NKAIN2: variants seen among roughly 807,000 people sequenced by gnomAD.
NKAIN2 encodes the protein sodium/potassium-transporting ATPase subunit beta-1-interacting protein 2.
Under a neutral mutation model 32.6 loss-of-function variants are expected in NKAIN2, and 14 were observed. The observed-to-expected ratio is 0.43, with a 90% CI of 0.28 to 0.67. The LOEUF (loss-of-function observed/expected upper bound fraction) is 0.67, where lower values mean the gene tolerates loss of function less well. NKAIN2 is among the 30% of genes least tolerant of loss of function. The pLI, the probability that NKAIN2 is intolerant of heterozygous loss-of-function variation, is 0.17. For missense variants in NKAIN2, 198 were observed against 258.3 expected, an observed-to-expected ratio of 0.77 and a Z score of 1.60; for synonymous variants, 80 against 87.2, an observed-to-expected ratio of 0.92 and a Z score of 0.46.
intron 4 of NKAIN2, among the ~76,000 whole-genome samples, chr6:124,727,156 T>A: frequency 6.6e-6 from 1 of 151,516 alleles, no homozygotes; most frequent in East Asian, 2.0e-4. Flanking sequence ...CAGGAGAACT[T>A]CCCCAATCTA....
Position 124,493,708 on chromosome 6 carries a change from C to G in NKAIN2, c.273+138361C>G, listed in dbSNP as rs370951719. Among the ~76,000 whole-genome samples, 335 of 112,164 alleles carry G rather than the reference C, an allele frequency of 3.0e-3. 1 individual carries two copies. Among genetic ancestry groups the G allele is most frequent in the African/African-American group, 0.012 (321 of 26,798 alleles). The allele number at this position is 112,164 out of a possible 152,430, so 73.6% of individuals were successfully genotyped here. A position where few individuals can be genotyped will look rare whatever the true frequency, so the allele number is the denominator to read the frequency against. On this transcript the variant is annotated intron_variant, in intron 3 of 6. Transcript: ENST00000368417. ...GAATGTTATCTTTCTGCACACCAAC[C>G]CCCCCCTCCAAAAAAAAAAAAAAAA... is the stretch of plus-strand genomic sequence containing the variant.
chr6:124,339,967 T>C (rs117772118), intron 2 of NKAIN2, among the ~76,000 whole-genome samples: 2,151 of 152,336 alleles, frequency 0.014, 28 homozygotes, highest in Non-Finnish European at 0.02. Flanking sequence ...GTTCTTTCAA[T>C]ACCTAGGTAA....
intron 3 of NKAIN2, among the ~76,000 whole-genome samples, chr6:124,574,438 C>T (rs1015984969): frequency 3.1e-4 from 47 of 151,918 alleles, no homozygotes; most frequent in Middle Eastern, 6.8e-3. Flanking sequence ...GCCAACGTGG[C>T]GAAACCCTGT....
intron 4 of NKAIN2, among the ~76,000 whole-genome samples, chr6:124,735,948 G>C (rs1016550601): frequency 1.3e-5 from 2 of 151,840 alleles, no homozygotes; most frequent in African/African-American, 4.8e-5. Context: ...GTGAAAGGTA[G>C]AGCCAAATGT....
chr6:124,425,984 T>A (rs1270563103), intron 3 of NKAIN2, among the ~76,000 whole-genome samples: 1 of 152,128 alleles, frequency 6.6e-6, no homozygotes, highest in African/African-American at 2.4e-5. Context: ...AATAAATCCT[T>A]AATAGCAAAC....
At chr6:124,470,492 C>T (rs1776929064) in intron 3 of NKAIN2, among the ~76,000 whole-genome samples, 1 of 152,114 alleles carries the variant, frequency 6.6e-6, no homozygotes, top group Non-Finnish European at 1.5e-5. Context: ...TCAGGAATAA[C>T]TTGCAGGTTT....
chr6:124,359,668 T>G (rs575834983), intron 3 of NKAIN2, among the ~76,000 whole-genome samples: 17 of 152,296 alleles, frequency 1.1e-4, no homozygotes, highest in East Asian at 9.7e-4. Context: ...TAAGGAGATT[T>G]TGGGCTGAGA....
chr6:124,643,217 C>A (rs1784053749), intron 3 of NKAIN2, among the ~76,000 whole-genome samples: 1 of 152,110 alleles, frequency 6.6e-6, no homozygotes, highest in Admixed American at 6.5e-5. Context: ...GCACTTAGGT[C>A]CCTCTTCAAT....
intron 5 of NKAIN2, 126 bp downstream of exon 5, chr6:124,791,525 TTG>T (rs1475974875): frequency 3.7e-6 from 2 of 546,992 alleles, no homozygotes; most frequent in Admixed American, 5.6e-5. Flanking sequence ...AATAAGCCTT[TTG>T]TGCCCATCAG....
intron 1 of NKAIN2, among the ~76,000 whole-genome samples, chr6:124,236,603 A>G (rs982611819): frequency 6.6e-5 from 10 of 152,196 alleles, no homozygotes; most frequent in East Asian, 3.9e-4. Context: ...CTATGTGTCA[A>G]TGTTTCCCAA....
intron 3 of NKAIN2, among the ~76,000 whole-genome samples, chr6:124,458,953 G>A (rs1408647198): frequency 6.6e-6 from 1 of 151,778 alleles, no homozygotes; most frequent in Admixed American, 6.6e-5. Context: ...TCTTCTACAG[G>A]TCCTTGTGAC....
intron 3 of NKAIN2, among the ~76,000 whole-genome samples, chr6:124,500,268 C>T (rs1778233149): frequency 6.6e-6 from 1 of 152,130 alleles, no homozygotes; most frequent in African/African-American, 2.4e-5. Context: ...TGTTAATGTA[C>T]TGACTTCCAA....
At chr6:124,443,906 C>T (rs1032658312) in intron 3 of NKAIN2, among the ~76,000 whole-genome samples, 3 of 151,970 alleles carry the variant, frequency 2.0e-5, no homozygotes, top group Non-Finnish European at 2.9e-5. Context: ...CTTTCAATCT[C>T]GTATATCTGA....
rs150666046 is a variant in NKAIN2 at position 124,116,456 on chromosome 6, G to A, written c.55-166549G>A. On this transcript the variant is annotated intron_variant, in intron 1 of 6. Transcript: ENST00000368417. ...ATGTTGATTAATGTGACATTGTATT[G>A]TAACTTTATGGTAATAATTCTTTAT... Among the ~76,000 whole-genome samples, 50 of 152,140 alleles carry A rather than the reference G, an allele frequency of 3.3e-4. 1 individual carries two copies. In the East Asian group the frequency reaches 9.3e-3, roughly 28 times the overall value.
At chr6:124,191,740 AC>A in intron 1 of NKAIN2, among the ~76,000 whole-genome samples, 1 of 152,290 alleles carries the variant, frequency 6.6e-6, no homozygotes, top group East Asian at 1.9e-4. Context: ...AGATGGCTTT[AC>A]AAAGTTGAAG....
chr6:123,904,640 T>C (rs535711806), intron 1 of NKAIN2, among the ~76,000 whole-genome samples: 17 of 152,212 alleles, frequency 1.1e-4, no homozygotes, highest in Non-Finnish European at 2.5e-4. Flanking sequence ...AGAAAGATCC[T>C]GTAATTGAAT....
At chr6:124,346,189 G>T (rs1583090244) in intron 2 of NKAIN2, among the ~76,000 whole-genome samples, 1 of 152,178 alleles carries the variant, frequency 6.6e-6, no homozygotes, top group Non-Finnish European at 1.5e-5. Flanking sequence ...TTGCACTGTG[G>T]TTTGAGAGAC....
At chr6:124,004,269 G>A (rs1314866423) in intron 1 of NKAIN2, among the ~76,000 whole-genome samples, 1 of 152,102 alleles carries the variant, frequency 6.6e-6, no homozygotes, top group African/African-American at 2.4e-5. Flanking sequence ...GAACACATCA[G>A]AATCAGATCC....
At chr6:124,245,094 A>G (rs563100146) in intron 1 of NKAIN2, among the ~76,000 whole-genome samples, 2 of 152,208 alleles carry the variant, frequency 1.3e-5, no homozygotes, top group East Asian at 3.9e-4. Flanking sequence ...GTTTGGGAAC[A>G]TGTCTCTAGC....
Sources: allele counts gnomAD v4.1 joint callset (sites outside exome capture counted in the v4.1 genomes callset), GRCh38; gene constraint gnomAD v4.1.1; transcripts MANE v1.5; gene names NCBI Gene and HGNC (gene_info 2026-07-23, HGNC 2026-07-21).